The following ADAM18 variants were observed in gnomAD, a reference collection of about 807,000 sequenced individuals.
ADAM18 encodes the protein disintegrin and metalloproteinase domain-containing protein 18.
Under a neutral mutation model 94.4 loss-of-function variants are expected in ADAM18, and 117 were observed. That is an observed-to-expected ratio of 1.24 (90% CI 1.07 to 1.45). The LOEUF is 1.45. Ranked by LOEUF, ADAM18 falls within the 40% of genes most tolerant of loss-of-function variation. ADAM18 has a pLI of 0.00. For synonymous variants in ADAM18, 327 were observed against 291.6 expected (o/e 1.12, Z -1.24); for missense variants, 936 against 880.0 (o/e 1.06, Z -0.81).
Position 39,606,295 on chromosome 8 carries a change from G to T in ADAM18, c.133-12G>T. ...TTTCCTTCACAATCTTTACTGATGT[G>T]TTTTATTTTAGATGATTTACATCAT... On this transcript the variant is annotated splice_polypyrimidine_tract_variant and intron_variant, in intron 2 of 19. Transcript: ENST00000265707. 1 of 1,474,104 alleles carries T rather than the reference G, an allele frequency of 6.8e-7. No individual in the cohort carries two copies. The highest frequency in any genetic ancestry group is 9.3e-7 in the Non-Finnish European group (1 of 1,078,316). 91.3% of individuals were successfully genotyped at this position (1,474,104 alleles called of 1,614,324 possible).
intron 16 of ADAM18, among the ~76,000 whole-genome samples, chr8:39,686,966 A>T (rs1012865794): frequency 1.3e-5 from 2 of 152,196 alleles, no homozygotes; most frequent in African/African-American, 2.4e-5. Flanking sequence ...TCATCACAGG[A>T]TGTTGACCAC....
intron 16 of ADAM18, among the ~76,000 whole-genome samples, chr8:39,680,876 T>C (rs1301870332): frequency 6.6e-6 from 1 of 152,170 alleles, no homozygotes. Context: ...TGGTGCTTAT[T>C]TGATGCGTAA....
At chr8:39,642,221 C>G (rs1042291887) in intron 10 of ADAM18, among the ~76,000 whole-genome samples, 1 of 152,042 alleles carries the variant, frequency 6.6e-6, no homozygotes, top group Non-Finnish European at 1.5e-5. Context: ...ATAGTTTACT[C>G]TATTGAGAGT....
At chr8:39,704,937 C>G (rs1822196991) in intron 17 of ADAM18, among the ~76,000 whole-genome samples, 5 of 152,008 alleles carry the variant, frequency 3.3e-5, no homozygotes, top group Admixed American at 3.3e-4. Context: ...GGGTGGGGAA[C>G]TGGAATAACA....
At chr8:39,584,991 C>T (rs1818356199) in intron 1 of ADAM18, among the ~76,000 whole-genome samples, 1 of 152,154 alleles carries the variant, frequency 6.6e-6, no homozygotes, top group Admixed American at 6.5e-5. Flanking sequence ...GCGAACTCCT[C>T]AGAGTCCTGA....
intron 3 of ADAM18, among the ~76,000 whole-genome samples, chr8:39,608,026 T>C (rs1428692087): frequency 6.6e-6 from 1 of 152,148 alleles, no homozygotes; most frequent in Non-Finnish European, 1.5e-5. Flanking sequence ...TCTGACTTTC[T>C]TCTCAATTTG....
chr8:39,585,146 T>C (rs1292553366), intron 1 of ADAM18, 130 bp from the exon 2 acceptor site: 3 of 641,944 alleles, frequency 4.7e-6, no homozygotes, highest in Non-Finnish European at 8.3e-6. Flanking sequence ...AGAAAGAGTG[T>C]GAGCACATGA....
intron 10 of ADAM18, 107 bp downstream of exon 10, chr8:39,638,653 C>T: frequency 1.9e-6 from 1 of 536,746 alleles, no homozygotes; most frequent in Non-Finnish European, 3.1e-6. Flanking sequence ...TGATCTTTTT[C>T]TGTATATGTA....
chr8:39,724,457 CT>C (rs768632891), intron 19 of ADAM18, among the ~76,000 whole-genome samples: 6 of 150,746 alleles, frequency 4.0e-5, no homozygotes, highest in Non-Finnish European at 7.4e-5. Flanking sequence ...TCTTTTTTTT[CT>C]TGTTCAGACC....
chr8:39,628,424 G>GATAA (rs1819834964), intron 6 of ADAM18, among the ~76,000 whole-genome samples: 1 of 108,426 alleles, frequency 9.2e-6, no homozygotes, highest in African/African-American at 3.9e-5. Context: ...TCAATAGATA[G>GATAA]ATAGATAGAT....
chr8:39,609,169 C>T (rs1563273212), intron 4 of ADAM18, 49 bp downstream of exon 4: 4 of 1,193,754 alleles, frequency 3.4e-6, no homozygotes, highest in Non-Finnish European at 4.8e-6. Context: ...ATATTATTAC[C>T]ATTAGAATGT....
chr8:39,663,442 G>GAAAA (rs1206796468), intron 12 of ADAM18, among the ~76,000 whole-genome samples: 1 of 117,290 alleles, frequency 8.5e-6, no homozygotes, highest in Admixed American at 8.6e-5. Flanking sequence ...AAAAAAAAAA[G>GAAAA]AAAAAAAATA....
At chr8:39,591,459 A>G (rs979576545) in intron 2 of ADAM18, among the ~76,000 whole-genome samples, 3 of 152,176 alleles carry the variant, frequency 2.0e-5, no homozygotes, top group Admixed American at 2.0e-4. Flanking sequence ...CAGCATCTTT[A>G]CTAGGAGTAG....
chr8:39,596,929 A>C (rs1818758671), intron 2 of ADAM18, among the ~76,000 whole-genome samples: 1 of 152,082 alleles, frequency 6.6e-6, no homozygotes, highest in African/African-American at 2.4e-5. Context: ...ATAAGGATTA[A>C]TTTTTTTAGA....
At chr8:39,694,045 T>C (rs965452753) in intron 17 of ADAM18, among the ~76,000 whole-genome samples, 1 of 151,258 alleles carries the variant, frequency 6.6e-6, no homozygotes, top group Non-Finnish European at 1.5e-5. Context: ...CCATGAACAT[T>C]TATAATTTAT....
chr8:39,679,977 T>C, intron 15 of ADAM18, 60 bp from the exon 16 acceptor site: 1 of 1,542,504 alleles, frequency 6.5e-7, no homozygotes, highest in Non-Finnish European at 8.9e-7. Context: ...CAGTACTCAC[T>C]TGGAACTTGT....
At chr8:39,723,946 T>C (rs1207488403) in intron 19 of ADAM18, 39 bp downstream of exon 19, 1 of 1,238,172 alleles carries the variant, frequency 8.1e-7, no homozygotes, top group Non-Finnish European at 1.1e-6. Flanking sequence ...GGTTTAATTA[T>C]CCTAGTCATT....
At chr8:39,616,265 T>A (rs1819434271) in intron 6 of ADAM18, among the ~76,000 whole-genome samples, 1 of 151,538 alleles carries the variant, frequency 6.6e-6, no homozygotes, top group African/African-American at 2.4e-5. Context: ...TCAAGAGTGG[T>A]GGCGTGCACG....
intron 17 of ADAM18, among the ~76,000 whole-genome samples, chr8:39,693,760 T>C (rs145679408): frequency 1.3e-5 from 2 of 151,302 alleles, no homozygotes; most frequent in African/African-American, 4.8e-5. Context: ...TCCATATTTA[T>C]TTAATTTATA....
Sources: allele counts gnomAD v4.1 joint callset (sites outside exome capture counted in the v4.1 genomes callset), GRCh38; gene constraint gnomAD v4.1.1; transcripts MANE v1.5; gene names NCBI Gene and HGNC (gene_info 2026-07-23, HGNC 2026-07-21).